MUC5B: variants seen among roughly 807,000 people sequenced by gnomAD.
MUC5B encodes mucin-5B.
A neutral mutation model predicts 376.9 loss-of-function variants in MUC5B; 116 were observed. The observed-to-expected ratio is 0.31, with a 90% CI of 0.26 to 0.36. MUC5B has a LOEUF of 0.36. MUC5B is among the 10% of genes least tolerant of loss of function. The probability of loss-of-function intolerance (pLI) is 1.00; values close to 1 mark genes in which losing one functional copy is unlikely to be tolerated. For missense variants in MUC5B, 7,165 were observed against 7,769.9 expected (o/e 0.92, Z 2.93); for synonymous variants, 3,517 against 3,390.9 (o/e 1.04, Z -1.29).
At position 1,261,554 on chromosome 11, in the gene MUC5B, C is replaced by T; in HGVS notation, c.17235C>T (p.Pro5745=). Residue 5745 remains proline, a synonymous_variant, in exon 49 of 49, where the codon CCC becomes CCT. Transcript: ENST00000529681. ...CGCTPFCVPA[P]MAPPHTRGFP... is the part of the protein sequence containing the mutation. ...GCACGCCCTTCTGTGTCCCTGCGCC[C>T]ATGGCTCCCCCACACACCCGTGGCT... 6.2e-7 allele frequency: 1 copy of T among 1,608,906 alleles called. No homozygotes were observed. Among genetic ancestry groups the T allele is most frequent in the Non-Finnish European group, 8.5e-7 (1 of 1,178,544 alleles).
At position 1,245,787 on chromosome 11, in the gene MUC5B, C is replaced by T. The variant is rs1440789182; in HGVS notation, c.8907C>T (p.Gly2969=). ...YEIRVFCCNY[G]HCPSTPATSS... is the part of the protein sequence containing the mutation. Reference sequence around the variant, plus strand: ...TCCGTGTGTTCTGCTGCAACTACGGCCACTGCCCCAGCACCCCGGCCACCA... The same window carrying T: ...TCCGTGTGTTCTGCTGCAACTACGGTCACTGCCCCAGCACCCCGGCCACCA... Residue 2969 remains glycine (G), a synonymous_variant, in exon 31 of 49, where the codon GGC becomes GGT. Coordinates refer to ENST00000529681, the MANE Select transcript of MUC5B (RefSeq NM_002458.3). 6.2e-7 allele frequency: 1 copy of T among 1,613,008 alleles called. No homozygotes were observed. Among genetic ancestry groups the T allele is most frequent in the Non-Finnish European group, 8.5e-7 (1 of 1,179,778 alleles).
chr11:1,256,800 G>C (rs368379792), intron 39 of MUC5B, 29 bp downstream of exon 39: 1 of 1,501,050 alleles, frequency 6.7e-7, no homozygotes, highest in Non-Finnish European at 8.9e-7. Context: ...GGCGGGATAC[G>C]ACCCTGGGCC....
At position 1,250,850 on chromosome 11, in the gene MUC5B, C is replaced by G; in HGVS notation, c.13970C>G (p.Thr4657Arg). 6.2e-7 allele frequency: 1 copy of G among 1,609,018 alleles called. No individual in the cohort carries two copies. Among genetic ancestry groups the G allele is most frequent in the Non-Finnish European group, 8.5e-7 (1 of 1,177,644 alleles). The change falls in exon 31 of 49, where the codon ACA becomes AGA. Residue 4657 changes from threonine to arginine, a missense_variant. Physicochemically the swap from Thr to Arg is moderately conservative, Grantham distance 71 (BLOSUM62 -1). Transcript: ENST00000529681. ...GCCAGAGTGCTGACCACCACCACCA[C>G]AACTGTGGCCACTGGTTCTATGGCA... ...HTARVLTTTTTTVATGSMATP... is the reference protein window; with the variant it reads ...HTARVLTTTTRTVATGSMATP...
rs1020539670 is a variant in MUC5B, at chr11:1,258,428, C to T, written c.16593+61C>T. The T allele has an allele frequency of 3.0e-5, 48 of 1,581,686 alleles. No homozygotes were observed. In the Middle Eastern group the frequency reaches 5.0e-4, roughly 17 times the overall value. On this transcript the variant is annotated intron_variant, in intron 43 of 48. Coordinates refer to ENST00000529681, the MANE Select transcript of MUC5B (RefSeq NM_002458.3). This position sits in a 1 kb window ranked among gnomAD's most constrained non-coding sequence, Gnocchi z 5.5. ...GCCTGAACATGTGTGTGGGATGCCCCGGGGCTCTCTGAGCCCCACTCCTTG... is the reference window on the plus strand; with the variant it reads ...GCCTGAACATGTGTGTGGGATGCCCTGGGGCTCTCTGAGCCCCACTCCTTG...
chr11:1,232,298 T>C (rs1862045313), intron 15 of MUC5B, 138 bp downstream of exon 15: 2 of 1,350,822 alleles, frequency 1.5e-6, no homozygotes, highest in African/African-American at 2.9e-5. Flanking sequence ...GAGGAGGTGC[T>C]TGGGGCCAGG....
At position 1,260,710 on chromosome 11, in the gene MUC5B, C is replaced by T. The variant is rs1862974924; in HGVS notation, c.17051C>T (p.Ser5684Phe). Residue 5684 changes from serine (S) to phenylalanine (F), a missense_variant, in exon 48 of 49, where the codon TCC (serine) becomes TTC (phenylalanine). Physicochemically the swap from Ser to Phe is radical, Grantham distance 155. Transcript: ENST00000529681. ...TEVNITFCEGSCPGASKYSAE... is the reference protein window; with the variant it reads ...TEVNITFCEGFCPGASKYSAE... ...GTCAACATCACCTTCTGCGAGGGCT[C>T]CTGCCCCGGAGCGTCCAAGTGAGTG... The T allele has an allele frequency of 1.2e-6, 2 of 1,611,264 alleles. No homozygotes were observed. Among genetic ancestry groups the T allele is most frequent in the South Asian group, 2.2e-5 (2 of 90,748 alleles).
At position 1,242,299 on chromosome 11, in the gene MUC5B, G is replaced by T; in HGVS notation, c.5419G>T (p.Asp1807Tyr). Residue 1807 changes from aspartate (D) to tyrosine (Y), a missense_variant, in exon 31 of 49, where the codon GAC becomes TAC. This residue lies in a region of MUC5B where 897 missense variants were observed against 779.6 expected (regional missense o/e 1.15). Coordinates refer to ENST00000529681, the MANE Select transcript of MUC5B (RefSeq NM_002458.3). The stretch of plus-strand genomic sequence containing the variant: ...CCCAACCTCAGGGGTTGCAGGCGGG[G>T]ACATGGAAACTTTTGAAAACATCAG... ...DFPTSGVAGGDMETFENIRAA... is the reference protein window; with the variant it reads ...DFPTSGVAGGYMETFENIRAA... 6.2e-7 allele frequency: 1 copy of T among 1,613,912 alleles called. No homozygotes were observed. The highest frequency in any genetic ancestry group is 8.5e-7 in the Non-Finnish European group (1 of 1,179,884).
In MUC5B at chr11:1,235,371, C is replaced by G. The variant is rs1435388622; in HGVS notation, c.2838C>G (p.Thr946=). 6.2e-7 allele frequency: 1 copy of G among 1,612,618 alleles called. No individual in the cohort carries two copies. Among genetic ancestry groups the G allele is most frequent in the African/African-American group, 1.3e-5 (1 of 74,890 alleles). ...TCACCGAGAACATCCCCTGTGGGAC[C>G]ACCGGCACCACCTGCTCCAAGGCCA... ...RIVTENIPCG[T]TGTTCSKAIK... Residue 946 remains threonine (T), a synonymous_variant, in exon 23 of 49, where the codon ACC becomes ACG. Transcript: ENST00000529681.
Position 1,237,087 on chromosome 11 carries a change from A to G in MUC5B, c.3220A>G (p.Asn1074Asp). ...GGCACCCAAGGACCCCTGCACGGCC[A>G]ACCCCTTCCGCAAGTCCTGGGCCCA... ...ALAPKDPCTA[N>D]PFRKSWAQKQ... Residue 1074 changes from asparagine to aspartate, a missense_variant, in exon 25 of 49, where the codon AAC becomes GAC. This residue lies in a region of MUC5B where 143 missense variants were observed against 193.2 expected (regional missense o/e 0.74). Coordinates refer to ENST00000529681, the MANE Select transcript of MUC5B (RefSeq NM_002458.3). The G allele has an allele frequency of 6.4e-7, 1 of 1,559,664 alleles. No individual in the cohort carries two copies. Among genetic ancestry groups the G allele is most frequent in the Non-Finnish European group, 8.7e-7 (1 of 1,150,846 alleles).
Position 1,251,180 on chromosome 11 carries a change from A to C in MUC5B, c.14300A>C (p.Gln4767Pro), listed in dbSNP as rs1470295880. The C allele has an allele frequency of 8.1e-6, 13 of 1,609,798 alleles. No homozygotes were observed. Among genetic ancestry groups the C allele is most frequent in the Non-Finnish European group, 1.1e-5 (13 of 1,177,772 alleles). ...TLWTTWTVPA[Q>P]TTTPMSTMST... ...TGGACCACGTGGACCGTCCCAGCAC[A>C]GACCACCACACCCATGTCCACCATG... The change falls in exon 31 of 49, where the codon CAG becomes CCG. Residue 4767 changes from glutamine to proline, a missense_variant. Around this residue, in one of 31 missense-constraint regions of MUC5B, gnomAD observed 730 missense variants for 592.7 expected, o/e 1.23. Transcript: ENST00000529681.
rs1862648194 is a variant in MUC5B at position 1,250,499 on chromosome 11, C to G, written c.13619C>G (p.Thr4540Ser). The change falls in exon 31 of 49, where the codon ACC becomes AGC. Residue 4540 changes from threonine to serine, a missense_variant. Thr to Ser is a moderately conservative substitution (Grantham distance 58, BLOSUM62 1). Coordinates refer to ENST00000529681, the MANE Select transcript of MUC5B (RefSeq NM_002458.3). ...ACCACCTGGACCCGCCTATCACAGA[C>G]CACCACACCCACGGCCACCATGTCC... ...LGTTWTRLSQTTTPTATMSTA... is the reference protein window; with the variant it reads ...LGTTWTRLSQSTTPTATMSTA... 1 of 1,612,954 alleles carries G rather than the reference C, an allele frequency of 6.2e-7. No individual in the cohort carries two copies. The highest frequency in any genetic ancestry group is 1.3e-5 in the African/African-American group (1 of 74,762).
At position 1,230,796 on chromosome 11, in the gene MUC5B, A is replaced by T. The variant is rs1017762503; in HGVS notation, c.1471-140A>T. On this transcript the variant is annotated intron_variant, in intron 12 of 48. Transcript: ENST00000529681. The stretch of plus-strand genomic sequence containing the variant: ...CAGGTCCTCCCGGGGGGGCAATTGC[A>T]GAGCCCACCGCAGGTCCAGGTCTGA... 22 of 1,062,366 alleles carry T rather than the reference A, an allele frequency of 2.1e-5. No individual in the cohort carries two copies. The South Asian group carries it at 3.2e-4, about 15-fold the overall frequency. 65.8% of individuals were successfully genotyped at this position (1,062,366 alleles called of 1,614,324 possible). A position where few individuals can be genotyped will look rare whatever the true frequency, so the allele number is the denominator to read the frequency against.
chr11:1,248,784 G>A lies in MUC5B; in HGVS notation c.11904G>A (p.Gly3968=), dbSNP rs1564946896. ...CCACCAACCCCTCCTCAACTCCAGG[G>A]ACAACACCTATCCCCCCAGTGCTGA... ...GSTTNPSSTP[G]TTPIPPVLTT... The change falls in exon 31 of 49, where the codon GGG becomes GGA. Residue 3968 remains glycine, a synonymous_variant. Coordinates refer to ENST00000529681, the MANE Select transcript of MUC5B (RefSeq NM_002458.3). 3 of 1,548,512 alleles carry A rather than the reference G, an allele frequency of 1.9e-6. No individual in the cohort carries two copies. The highest frequency in any genetic ancestry group is 1.7e-6 in the Non-Finnish European group (2 of 1,145,838).
At chr11:1,226,141 G>C in intron 2 of MUC5B, 64 bp from the exon 3 acceptor site, 1 of 1,473,438 alleles carries the variant, frequency 6.8e-7, no homozygotes, top group Non-Finnish European at 9.2e-7. Flanking sequence ...GGTGGGCCCC[G>C]GGGAGGGTGT....
In MUC5B at chr11:1,242,470, G is replaced by A; in HGVS notation, c.5590G>A (p.Gly1864Ser). ...GACCTGCAAGAACGAAGACCAGACA[G>A]GCAGGTTCAACATGTGCTTCAACTA... is the stretch of plus-strand genomic sequence containing the variant. ...GLTCKNEDQT[G>S]RFNMCFNYNV... Residue 1864 changes from glycine (G) to serine (S), a missense_variant, in exon 31 of 49, where the codon GGC becomes AGC. Transcript: ENST00000529681. 1 of 1,613,788 alleles carries A rather than the reference G, an allele frequency of 6.2e-7. No individual in the cohort carries two copies. Among genetic ancestry groups the A allele is most frequent in the Non-Finnish European group, 8.5e-7 (1 of 1,179,806 alleles).
chr11:1,260,280 C>G (rs778566418), intron 46 of MUC5B, 71 bp from the exon 47 acceptor site: 8 of 1,529,668 alleles, frequency 5.2e-6, no homozygotes, highest in Admixed American at 3.5e-5. Flanking sequence ...GGGTGGGCCC[C>G]TCCCCAGGAG....
In MUC5B at chr11:1,230,953, G is replaced by A. The variant is rs753254084; in HGVS notation, c.1488G>A (p.Ala496=). 9 of 1,594,002 alleles carry A rather than the reference G, an allele frequency of 5.6e-6. No individual in the cohort carries two copies. The African/African-American group carries it at 8.1e-5, about 14-fold the overall frequency. The change falls in exon 13 of 49, where the codon GCG becomes GCA. Residue 496 remains alanine, a synonymous_variant. Transcript: ENST00000529681. ...TTCCGCAGGCCATCCGGGTCCAAGC[G>A]GACGGCGGCGTGTTCCTCAACTCCA... ...DGGDTAIRVQ[A]DGGVFLNSIY...
In MUC5B at chr11:1,261,550, C is replaced by T. The variant is rs375949720; in HGVS notation, c.17231C>T (p.Ala5744Val). The stretch of plus-strand genomic sequence containing the variant: ...GGCTGCACGCCCTTCTGTGTCCCTG[C>T]GCCCATGGCTCCCCCACACACCCGT... ...ECGCTPFCVP[A>V]PMAPPHTRGF... Residue 5744 changes from alanine to valine, a missense_variant, in exon 49 of 49, where the codon GCG becomes GTG. Around this residue, in one of 31 missense-constraint regions of MUC5B, gnomAD observed 842 missense variants for 1,016.9 expected, o/e 0.83. Coordinates refer to ENST00000529681, the MANE Select transcript of MUC5B (RefSeq NM_002458.3). The T allele has an allele frequency of 1.7e-5, 28 of 1,608,618 alleles. No homozygotes were observed. The highest frequency in any genetic ancestry group is 1.7e-4 in the Middle Eastern group (1 of 6,058).
At position 1,232,439 on chromosome 11, in the gene MUC5B, C is replaced by T. The variant is rs776061673; in HGVS notation, c.1844-11C>T. 1 of 1,597,964 alleles carries T rather than the reference C, an allele frequency of 6.3e-7. No homozygotes were observed. Among genetic ancestry groups the T allele is most frequent in the Non-Finnish European group, 8.5e-7 (1 of 1,173,486 alleles). ...GCAGGGCGTGGAGATGAGGTCAGGT[C>T]TTCCCCACAGAGAACTACGCCCGGC... is the stretch of plus-strand genomic sequence containing the variant. On this transcript the variant is annotated splice_polypyrimidine_tract_variant and intron_variant, in intron 15 of 48. Transcript: ENST00000529681.
Sources: allele counts gnomAD v4.1 joint callset, GRCh38; gene constraint gnomAD v4.1.1; regional missense constraint gnomAD v4.1.1; non-coding constraint Gnocchi (gnomAD v3.1); transcripts MANE v1.5; gene names NCBI Gene and HGNC (gene_info 2026-07-23, HGNC 2026-07-21).